The following RMND1 variants were observed in gnomAD, a reference collection of about 807,000 sequenced individuals.
RMND1 encodes required for meiotic nuclear division protein 1 homolog.
In RMND1, 41 loss-of-function variants were observed where a neutral mutation model predicts 54.0. The ratio of observed to expected loss-of-function variants is 0.76; its 90% confidence interval spans 0.59 to 0.98. The LOEUF is 0.98. RMND1 is among the 50% of genes least tolerant of loss of function. The pLI, the probability that RMND1 is intolerant of heterozygous loss-of-function variation, is 0.00. For missense variants in RMND1, 457 were observed against 532.0 expected, an observed-to-expected ratio of 0.86 and a Z score of 1.39; for synonymous variants, 183 against 181.7, an observed-to-expected ratio of 1.01 and a Z score of -0.06.
At chr6:151,425,581 G>A (rs1005721457) in intron 6 of RMND1, among the ~76,000 whole-genome samples, 1 of 152,162 alleles carries the variant, frequency 6.6e-6, no homozygotes, top group Non-Finnish European at 1.5e-5. Context: ...CACAGGAGCT[G>A]TATCTGCAGG....
intron 11 of RMND1, 73 bp from the exon 12 acceptor site, chr6:151,405,340 G>GTGAT: frequency 7.3e-7 from 1 of 1,369,124 alleles, no homozygotes. Context: ...TTCCAAGATT[G>GTGAT]TGATTAATGA....
intron 9 of RMND1, among the ~76,000 whole-genome samples, chr6:151,417,929 C>T (rs1157996511): frequency 1.3e-5 from 2 of 152,018 alleles, no homozygotes; most frequent in Non-Finnish European, 2.9e-5. Flanking sequence ...CTGCCTCAGC[C>T]TCCCAAGTAG....
At chr6:151,436,662 T>C in intron 2 of RMND1, 108 bp from the exon 3 acceptor site, 1 of 1,070,374 alleles carries the variant, frequency 9.3e-7, no homozygotes, top group Non-Finnish European at 1.3e-6. Context: ...AACTCCAGAA[T>C]TTTCTTCAAA....
chr6:151,452,026 G>T lies in RMND1; in HGVS notation c.-25C>A, dbSNP rs1221578900. ...AGGCAATACACTAACCTCTCCGCCG[G>T]AAGAGAAGAAGGAAGCGCCAGGGAC... On this transcript the variant is annotated 5_prime_UTR_variant, in exon 1 of 12. Coordinates refer to ENST00000444024, the MANE Select transcript of RMND1 (RefSeq NM_017909.4). 1.2e-5 allele frequency: 2 copies of T among 160,592 alleles called. No homozygotes were observed. Among genetic ancestry groups the T allele is most frequent in the South Asian group, 1.4e-4 (1 of 7,184 alleles). The allele number at this position is 160,592 out of a possible 1,614,324, so 9.9% of individuals were successfully genotyped here. A position where few individuals can be genotyped will look rare whatever the true frequency, so the allele number is the denominator to read the frequency against.
At chr6:151,414,962 G>C (rs1438166753) in intron 10 of RMND1, among the ~76,000 whole-genome samples, 1 of 151,550 alleles carries the variant, frequency 6.6e-6, no homozygotes, top group Non-Finnish European at 1.5e-5. Flanking sequence ...AGAATGAAGA[G>C]AAAATTAATA....
chr6:151,447,142 A>C (rs1043097749), intron 1 of RMND1, among the ~76,000 whole-genome samples: 1 of 152,056 alleles, frequency 6.6e-6, no homozygotes, highest in Non-Finnish European at 1.5e-5. Context: ...TAAACACCCC[A>C]GGCATGGAGT....
intron 10 of RMND1, among the ~76,000 whole-genome samples, chr6:151,407,009 C>T (rs1387283813): frequency 1.3e-5 from 2 of 151,980 alleles, no homozygotes; most frequent in Non-Finnish European, 2.9e-5. Context: ...AAAAATTAGC[C>T]AGGCATGGTG....
At chr6:151,438,885 G>A (rs1780690578) in intron 2 of RMND1, among the ~76,000 whole-genome samples, 1 of 151,924 alleles carries the variant, frequency 6.6e-6, no homozygotes, top group Admixed American at 6.6e-5. Flanking sequence ...AGGCTGAGGC[G>A]GATGGATCAC....
intron 2 of RMND1, 82 bp downstream of exon 2, chr6:151,445,225 CG>C: frequency 7.1e-7 from 1 of 1,416,166 alleles, no homozygotes; most frequent in Non-Finnish European, 9.5e-7. Context: ...CTTACGTTGG[CG>C]GTAAGGCTGG....
At position 151,439,887 on chromosome 6, in the gene RMND1, C is replaced by T. The variant is rs143315024; in HGVS notation, c.505-3333G>A. ...GTTGGTCAGGCTGGCCTCAAACTCCCGACCTCATCTGATCCTCCCGCCTCG... is the reference window on the plus strand; with the variant it reads ...GTTGGTCAGGCTGGCCTCAAACTCCTGACCTCATCTGATCCTCCCGCCTCG... On this transcript the variant is annotated intron_variant, in intron 2 of 11. Coordinates refer to ENST00000444024, the MANE Select transcript of RMND1 (RefSeq NM_017909.4). Among the ~76,000 whole-genome samples, 18 of 148,486 alleles carry T rather than the reference C, an allele frequency of 1.2e-4. 1 individual carries two copies. Among genetic ancestry groups the T allele is most frequent in the Admixed American group, 1.1e-3 (16 of 14,890 alleles).
intron 10 of RMND1, among the ~76,000 whole-genome samples, chr6:151,411,036 C>T (rs1414247513): frequency 3.3e-5 from 5 of 152,112 alleles, no homozygotes; most frequent in South Asian, 2.1e-4. Context: ...CTCAGCTCAT[C>T]GGAACCTTTG....
intron 3 of RMND1, among the ~76,000 whole-genome samples, chr6:151,435,843 A>G (rs1471885284): frequency 6.7e-6 from 1 of 149,650 alleles, no homozygotes. Context: ...GGTGGCTCAA[A>G]CCTGTAATCC....
At chr6:151,420,085 A>G (rs557548229) in intron 9 of RMND1, among the ~76,000 whole-genome samples, 2 of 152,348 alleles carry the variant, frequency 1.3e-5, no homozygotes, top group South Asian at 4.1e-4. Flanking sequence ...CAGGATAGTA[A>G]AAGTAAGCCT....
intron 2 of RMND1, among the ~76,000 whole-genome samples, chr6:151,442,745 T>C (rs1780820987): frequency 6.6e-6 from 1 of 151,412 alleles, no homozygotes; most frequent in Admixed American, 6.6e-5. Flanking sequence ...CTTGCTATGT[T>C]GCCAGGCTGG....
chr6:151,428,349 A>G lies in RMND1; in HGVS notation c.730-767T>C, dbSNP rs535147308. On this transcript the variant is annotated intron_variant, in intron 5 of 11. Transcript: ENST00000444024. ...ATCATATTATGCACATGACATTTTC[A>G]ACACTATTTTCCTTTACAGACGAAC... is the stretch of plus-strand genomic sequence containing the variant. 8.6e-4 allele frequency among the ~76,000 whole-genome samples: 131 copies of G among 152,300 alleles called. 1 individual carries two copies. Among genetic ancestry groups the G allele is most frequent in the South Asian group, 1.2e-3 (6 of 4,830 alleles).
At chr6:151,417,151 C>G in intron 10 of RMND1, 128 bp downstream of exon 10, 2 of 1,046,746 alleles carry the variant, frequency 1.9e-6, no homozygotes, top group Non-Finnish European at 2.8e-6. Flanking sequence ...GTACAGAGGA[C>G]AAGAAGGGGA....
At chr6:151,419,082 G>C (rs1022695305) in intron 9 of RMND1, among the ~76,000 whole-genome samples, 1 of 146,354 alleles carries the variant, frequency 6.8e-6, no homozygotes, top group African/African-American at 2.6e-5. Flanking sequence ...TTTCTTTTTT[G>C]AGACAGAATC....
At position 151,445,647 on chromosome 6, in the gene RMND1, A is replaced by G; in HGVS notation, c.165T>C (p.Pro55=). The G allele has an allele frequency of 6.2e-7, 1 of 1,614,162 alleles. No homozygotes were observed. Among genetic ancestry groups the G allele is most frequent in the Non-Finnish European group, 8.5e-7 (1 of 1,180,016 alleles). ...TATTCAAACCACTAGCTGTTTTATC[A>G]GGAAGGAACAAATCCAAGCTTTGAC... ...TIRQSLDLFL[P]DKTASGLNKS... is the part of the protein sequence containing the mutation. The change falls in exon 2 of 12, where the codon CCT becomes CCC. Residue 55 remains proline (P), a synonymous_variant. Coordinates refer to ENST00000444024, the MANE Select transcript of RMND1 (RefSeq NM_017909.4).
At position 151,410,251 on chromosome 6, in the gene RMND1, C is replaced by T. The variant is rs189084873; in HGVS notation, c.1201-4415G>A. 6.0e-3 allele frequency among the ~76,000 whole-genome samples: 918 copies of T among 152,070 alleles called. 3 individuals are homozygous for T. The highest frequency in any genetic ancestry group is 0.015 in the East Asian group (77 of 5,148). ...TTTGTATTTTTAGTAGAGACGGGGT[C>T]TCACCATGTTAGCCAGGATGGTCTG... On this transcript the variant is annotated intron_variant, in intron 10 of 11. Coordinates refer to ENST00000444024, the MANE Select transcript of RMND1 (RefSeq NM_017909.4).
Sources: allele counts gnomAD v4.1 joint callset (sites outside exome capture counted in the v4.1 genomes callset), GRCh38; gene constraint gnomAD v4.1.1; transcripts MANE v1.5; gene names NCBI Gene and HGNC (gene_info 2026-07-23, HGNC 2026-07-21).